The following JMJD1C variants were observed in gnomAD, a reference collection of about 807,000 sequenced individuals.
The protein encoded by JMJD1C is jumonji domain-containing protein 1C.
JMJD1C carries 31 observed loss-of-function variants against 245.3 expected under a neutral mutation model. The observed-to-expected ratio is 0.13, with a 90% CI of 0.09 to 0.17. The LOEUF (loss-of-function observed/expected upper bound fraction) is 0.17, where lower values mean the gene tolerates loss of function less well. Among genes scored for constraint, JMJD1C ranks in the 10% least tolerant of loss-of-function variants. The pLI, the probability that JMJD1C is intolerant of heterozygous loss-of-function variation, is 1.00. For synonymous variants in JMJD1C, 1,057 were observed against 1,017.4 expected, an observed-to-expected ratio of 1.04 and a Z score of -0.74; for missense variants, 2,691 against 3,000.2, an observed-to-expected ratio of 0.90 and a Z score of 2.41.
intron 1 of JMJD1C, among the ~76,000 whole-genome samples, chr10:63,462,633 G>A (rs894987300): frequency 1.3e-5 from 2 of 152,192 alleles, no homozygotes; most frequent in African/African-American, 2.4e-5. Context: ...GTTAGAAGGA[G>A]ATGACTAGGG....
chr10:63,246,456 A>G (rs1257750302), intron 3 of JMJD1C, among the ~76,000 whole-genome samples: 2 of 152,164 alleles, frequency 1.3e-5, no homozygotes, highest in African/African-American at 4.8e-5. Flanking sequence ...AACAAAACAA[A>G]AACACTGACA....
rs1216421608 is a variant in JMJD1C at position 63,205,572 on chromosome 10, A to C, written c.5074+1023T>G. 3.3e-5 allele frequency among the ~76,000 whole-genome samples: 5 copies of C among 152,356 alleles called. No individual in the cohort carries two copies. The East Asian group carries it at 9.7e-4, about 29-fold the overall frequency. ...ATTATAAGGAATCTAGAAATGATTT[A>C]AAGTATATGGGAGGATGTGTGTAGG... On this transcript the variant is annotated intron_variant, in intron 10 of 25. Coordinates refer to ENST00000399262, the MANE Select transcript of JMJD1C (RefSeq NM_032776.3).
intron 1 of JMJD1C, among the ~76,000 whole-genome samples, chr10:63,399,162 T>C (rs530308088): frequency 2.0e-5 from 3 of 152,326 alleles, no homozygotes; most frequent in African/African-American, 7.2e-5. Context: ...ACTGCAGTTG[T>C]TATTCTTACT....
intron 2 of JMJD1C, among the ~76,000 whole-genome samples, chr10:63,306,904 A>G (rs1007816997): frequency 6.6e-6 from 1 of 152,200 alleles, no homozygotes; most frequent in Non-Finnish European, 1.5e-5. Context: ...GGTCAATCAT[A>G]TCCCTCCTTA....
At chr10:63,179,344 G>A (rs548695900) in intron 22 of JMJD1C, among the ~76,000 whole-genome samples, 7 of 151,990 alleles carry the variant, frequency 4.6e-5, no homozygotes, top group Middle Eastern at 3.4e-3. Flanking sequence ...AGGAGGTGGA[G>A]GTTACGGTGA....
At chr10:63,307,437 A>G (rs1938417912) in intron 2 of JMJD1C, among the ~76,000 whole-genome samples, 1 of 152,226 alleles carries the variant, frequency 6.6e-6, no homozygotes, top group African/African-American at 2.4e-5. Flanking sequence ...TACCTTGTGA[A>G]ACCTACTACA....
At chr10:63,361,220 C>T (rs1020365474) in intron 2 of JMJD1C, among the ~76,000 whole-genome samples, 1 of 152,066 alleles carries the variant, frequency 6.6e-6, no homozygotes, top group Non-Finnish European at 1.5e-5. Context: ...GTCAGGAGTT[C>T]GAGACCAGCC....
At chr10:63,246,726 G>T (rs562320236) in intron 3 of JMJD1C, among the ~76,000 whole-genome samples, 3 of 152,004 alleles carry the variant, frequency 2.0e-5, no homozygotes, top group African/African-American at 4.8e-5. Context: ...TCAAAAAAGC[G>T]AAAATCATAC....
chr10:63,495,406 T>TA (rs75180911), intron 1 of JMJD1C, among the ~76,000 whole-genome samples: 8,289 of 149,522 alleles, frequency 0.055, 370 homozygotes, highest in African/African-American at 0.13. Flanking sequence ...CAAGAATTCA[T>TA]AAAAAAAAAA....
intron 22 of JMJD1C, 113 bp from the exon 23 acceptor site, chr10:63,177,969 C>CT: frequency 8.8e-7 from 1 of 1,131,278 alleles, no homozygotes; most frequent in Non-Finnish European, 1.2e-6. Flanking sequence ...AGTACTTTTT[C>CT]TTTTTTGGTC....
intron 2 of JMJD1C, among the ~76,000 whole-genome samples, chr10:63,330,991 T>C (rs1291103661): frequency 6.6e-6 from 1 of 152,230 alleles, no homozygotes; most frequent in Non-Finnish European, 1.5e-5. Flanking sequence ...ATGACCTGTA[T>C]ACTCCCCACC....
intron 3 of JMJD1C, among the ~76,000 whole-genome samples, chr10:63,252,451 T>C (rs1853223361): frequency 6.6e-6 from 1 of 152,172 alleles, no homozygotes; most frequent in African/African-American, 2.4e-5. Flanking sequence ...CAAGGAAAAA[T>C]GGATTCTGCC....
Position 63,297,676 on chromosome 10 carries a change from A to C in JMJD1C, c.334-32912T>G, listed in dbSNP as rs138954101. On this transcript the variant is annotated intron_variant, in intron 2 of 25. Transcript: ENST00000399262. ...AAAGCCAGAGCTTCCGTAACACTAC[A>C]GCCCTCCTGCCCTCCACCAGGTAGC... Among the ~76,000 whole-genome samples, 752 of 152,304 alleles carry C rather than the reference A, an allele frequency of 4.9e-3. 2 individuals are homozygous for C. The highest frequency in any genetic ancestry group is 7.5e-3 in the Non-Finnish European group (510 of 68,018).
At chr10:63,512,167 C>T (rs538092073) in intron 1 of JMJD1C, among the ~76,000 whole-genome samples, 24 of 152,246 alleles carry the variant, frequency 1.6e-4, no homozygotes, top group African/African-American at 5.3e-4. Context: ...GAAGCATAAT[C>T]GAATACATGG....
At chr10:63,234,438 G>A (rs1248285199) in intron 3 of JMJD1C, among the ~76,000 whole-genome samples, 2 of 132,306 alleles carry the variant, frequency 1.5e-5, no homozygotes, top group Admixed American at 8.5e-5. Context: ...AGGCTGCAGT[G>A]AGCCACGATC....
At chr10:63,520,440 C>G (rs1955173739) in intron 1 of JMJD1C, among the ~76,000 whole-genome samples, 1 of 150,742 alleles carries the variant, frequency 6.6e-6, no homozygotes, top group South Asian at 2.1e-4. Context: ...CTTTTACTAT[C>G]GTCTTAACTG....
intron 1 of JMJD1C, among the ~76,000 whole-genome samples, chr10:63,474,044 A>G (rs1953578514): frequency 6.6e-6 from 1 of 151,754 alleles, no homozygotes; most frequent in Non-Finnish European, 1.5e-5. Flanking sequence ...ACTCTGTCTC[A>G]AAAAAAAGAA....
chr10:63,336,739 A>G (rs74850294), intron 2 of JMJD1C, among the ~76,000 whole-genome samples: 2 of 152,186 alleles, frequency 1.3e-5, no homozygotes, highest in East Asian at 1.9e-4. Context: ...TGACAATCCG[A>G]TATCAACTTG....
intron 2 of JMJD1C, among the ~76,000 whole-genome samples, chr10:63,341,338 G>C (rs1314183026): frequency 6.6e-6 from 1 of 152,240 alleles, no homozygotes; most frequent in Non-Finnish European, 1.5e-5. Context: ...CTATAATACT[G>C]ATGAAACATC....
Sources: gnomAD v4.1 joint callset for allele counts (sites outside exome capture counted in the v4.1 genomes callset) on GRCh38, gnomAD v4.1.1 for gene constraint, MANE v1.5 for transcripts, NCBI Gene and HGNC (gene_info 2026-07-23, HGNC 2026-07-21) for gene names.